Variants in MUC17 observed in about 807,000 individuals in gnomAD.
The protein encoded by MUC17 is mucin 17, cell surface associated, also known as mucin-17.
Under a neutral mutation model 170.3 loss-of-function variants are expected in MUC17, and 190 were observed. The ratio of observed to expected loss-of-function variants is 1.12; its 90% CI spans 0.99 to 1.26. MUC17 has a LOEUF of 1.26. Ranked by LOEUF, MUC17 falls within the 50% of genes most tolerant of loss-of-function variation. MUC17 has a pLI of 0.00. For missense variants in MUC17, 6,415 were observed against 5,530.0 expected (o/e 1.16, Z -5.08); for synonymous variants, 2,325 against 2,002.5 (o/e 1.16, Z -4.30).
In MUC17 at chr7:101,040,963, A is replaced by C. The variant is rs1055978599; in HGVS notation, c.9547A>C (p.Thr3183Pro). Residue 3183 changes from threonine to proline, a missense_variant, in exon 3 of 13, where the codon ACC becomes CCC. Coordinates refer to ENST00000306151, the MANE Select transcript of MUC17 (RefSeq NM_001040105.2). ...GCTGGTAGTCAGTTCTGAGGATAGC[A>C]CCCTTTCAGCAACTCCTGTTGACAC... ...TMLVVSSEDS[T>P]LSATPVDTST... The C allele has an allele frequency of 1.8e-5, 29 of 1,613,226 alleles. No homozygotes were observed. Among genetic ancestry groups the C allele is most frequent in the Non-Finnish European group, 2.3e-5 (27 of 1,179,832 alleles).
chr7:101,040,790 T>C lies in MUC17; in HGVS notation c.9374T>C (p.Leu3125Pro). 6.2e-7 allele frequency: 1 copy of C among 1,613,206 alleles called. No individual in the cohort carries two copies. The highest frequency in any genetic ancestry group is 1.3e-5 in the African/African-American group (1 of 74,880). ...TPVTSSAIST[L>P]STTPVDTSTP... ...GTGACCAGTTCTGCAATCAGCACCC[T>C]TTCAACAACTCCTGTTGACACCAGC... The change falls in exon 3 of 13, where the codon CTT becomes CCT. Residue 3125 changes from leucine (L) to proline (P), a missense_variant. By Grantham distance (98) the Leu-to-Pro change is moderately conservative. Transcript: ENST00000306151.
rs1238989810 is a variant in MUC17, at chr7:101,036,213, C to T, written c.4797C>T (p.Asp1599=). 12 of 1,613,982 alleles carry T rather than the reference C, an allele frequency of 7.4e-6. No individual in the cohort carries two copies. Among genetic ancestry groups the T allele is most frequent in the Non-Finnish European group, 1.0e-5 (12 of 1,180,016 alleles). ...ACACCCTTTCAACAACCCCTATTGA[C>T]TCCAAAACTCAGGTGACCGCTTCTA... The part of the protein sequence containing the change: ...EANTLSTTPI[D]SKTQVTASTE... The change falls in exon 3 of 13, where the codon GAC becomes GAT. Residue 1599 remains aspartate, a synonymous_variant. Transcript: ENST00000306151.
chr7:101,036,762 T>C lies in MUC17; in HGVS notation c.5346T>C (p.Thr1782=). 6.2e-7 allele frequency: 1 copy of C among 1,612,534 alleles called. No homozygotes were observed. The highest frequency in any genetic ancestry group is 8.5e-7 in the Non-Finnish European group (1 of 1,179,566). ...TPIDTSTPVT[T]STEATSSPTT... is the part of the protein sequence containing the mutation. ...TTGACACCAGCACCCCTGTGACCAC[T>C]TCTACTGAAGCCACTTCGTCTCCTA... is the stretch of plus-strand genomic sequence containing the variant. The change falls in exon 3 of 13, where the codon ACT becomes ACC. Residue 1782 remains threonine, a synonymous_variant. Coordinates refer to ENST00000306151, the MANE Select transcript of MUC17 (RefSeq NM_001040105.2).
chr7:101,035,849 C>A lies in MUC17; in HGVS notation c.4433C>A (p.Thr1478Asn), dbSNP rs752496113. ...TCTGAGGCTAGCACCCTTTCAACAA[C>A]TCCTGTTGACTCTAACAGTCCTGTG... ...ANSEASTLST[T>N]PVDSNSPVVT... Residue 1478 changes from threonine (T) to asparagine (N), a missense_variant, in exon 3 of 13, where the codon ACT becomes AAT. Physicochemically the swap from Thr to Asn is moderately conservative, Grantham distance 65. Transcript: ENST00000306151. 1.3e-6 allele frequency: 2 copies of A among 1,599,622 alleles called. No homozygotes were observed. The highest frequency in any genetic ancestry group is 2.3e-5 in the South Asian group (2 of 88,832).
Position 101,033,893 on chromosome 7 carries a change from T to G in MUC17, c.2477T>G (p.Leu826Arg). ...GTGACCAGTCCTGAGGCTAGCACCCTTTCAACAACTCCTGTTGACTCCAAC... is the reference window on the plus strand; with the variant it reads ...GTGACCAGTCCTGAGGCTAGCACCCGTTCAACAACTCCTGTTGACTCCAAC... ...TPVTSPEAST[L>R]STTPVDSNSP... The change falls in exon 3 of 13, where the codon CTT becomes CGT. Residue 826 changes from leucine (L) to arginine (R), a missense_variant. Transcript: ENST00000306151. The G allele has an allele frequency of 1.9e-6, 3 of 1,613,382 alleles. No individual in the cohort carries two copies. Among genetic ancestry groups the G allele is most frequent in the African/African-American group, 1.3e-5 (1 of 74,890 alleles).
At position 101,041,103 on chromosome 7, in the gene MUC17, C is replaced by A. The variant is rs760081515; in HGVS notation, c.9687C>A (p.Val3229=). 3.7e-6 allele frequency: 6 copies of A among 1,613,760 alleles called. No homozygotes were observed. Among genetic ancestry groups the A allele is most frequent in the Non-Finnish European group, 5.1e-6 (6 of 1,179,914 alleles). Residue 3229 remains valine (V), a synonymous_variant, in exon 3 of 13, where the codon GTC becomes GTA. Transcript: ENST00000306151. The part of the protein sequence containing the change: ...EGMTPLTSVP[V]SNTPVASSEA... ...TGACTCCATTAACTAGTGTACCTGT[C>A]AGCAACACGCCGGTGGCCAGTTCTG...
At chr7:101,047,907 C>T in intron 3 of MUC17, 77 bp from the exon 4 acceptor site, 4 of 1,466,346 alleles carry the variant, frequency 2.7e-6, no homozygotes, top group Non-Finnish European at 3.6e-6. Context: ...CATGTAACCA[C>T]AGTAGATCCC....
In MUC17 at chr7:101,036,191, C is replaced by A. The variant is rs745853209; in HGVS notation, c.4775C>A (p.Thr1592Asn). Residue 1592 changes from threonine to asparagine, a missense_variant, in exon 3 of 13, where the codon ACC becomes AAC. Physicochemically the swap from Thr to Asn is moderately conservative, Grantham distance 65 (BLOSUM62 0). Transcript: ENST00000306151. ...TMLVVSSEAN[T>N]LSTTPIDSKT... ...CTGGTGGTCAGTTCTGAGGCTAACA[C>A]CCTTTCAACAACCCCTATTGACTCC... The A allele has an allele frequency of 1.2e-6, 2 of 1,613,846 alleles. No homozygotes were observed. Among genetic ancestry groups the A allele is most frequent in the African/African-American group, 1.3e-5 (1 of 74,862 alleles).
chr7:101,043,181 C>T lies in MUC17; in HGVS notation c.11765C>T (p.Thr3922Ile). Residue 3922 changes from threonine (T) to isoleucine (I), a missense_variant, in exon 3 of 13, where the codon ACC (threonine) becomes ATC (isoleucine). By Grantham distance (89) the Thr-to-Ile change is moderately conservative. Transcript: ENST00000306151. The stretch of plus-strand genomic sequence containing the variant: ...TCAACTCCCACAATTCCTGTAGCCA[C>T]CACCATATCTGTATCAGTGATCACA... ...TASTPTIPVATTISVSVITEG... is the reference protein window; with the variant it reads ...TASTPTIPVAITISVSVITEG... The T allele has an allele frequency of 6.2e-7, 1 of 1,614,172 alleles. No homozygotes were observed.
chr7:101,048,081 G>A lies in MUC17; in HGVS notation c.12501G>A (p.Glu4167=), dbSNP rs766252031. 4 of 1,604,958 alleles carry A rather than the reference G, an allele frequency of 2.5e-6. No individual in the cohort carries two copies. The South Asian group carries it at 3.3e-5, about 13-fold the overall frequency. Residue 4167 remains glutamate, a synonymous_variant, in exon 4 of 13, where the codon GAG becomes GAA. Coordinates refer to ENST00000306151, the MANE Select transcript of MUC17 (RefSeq NM_001040105.2). ...AGTGTCCCAACCTCTATTATGGGGA[G>A]TTGTGTGAGGAGGTGGTCAGCAGCA... is the stretch of plus-strand genomic sequence containing the variant. ...KCQCPNLYYG[E]LCEEVVSSID... is the part of the protein sequence containing the mutation.
rs1794418268 is a variant in MUC17, at chr7:101,034,997, C to T, written c.3581C>T (p.Ser1194Phe). The part of the protein sequence containing the change: ...PVDSKTQVAT[S>F]TEASSPPPTA... ...GACTCCAAAACTCAGGTGGCCACTT[C>T]TACTGAAGCCAGTTCACCTCCTCCA... is the stretch of plus-strand genomic sequence containing the variant. Residue 1194 changes from serine to phenylalanine, a missense_variant, in exon 3 of 13, where the codon TCT becomes TTT. Physicochemically the swap from Ser to Phe is radical, Grantham distance 155. Transcript: ENST00000306151. 30 of 1,613,914 alleles carry T rather than the reference C, an allele frequency of 1.9e-5. No individual in the cohort carries two copies. Among genetic ancestry groups the T allele is most frequent in the Non-Finnish European group, 2.5e-5 (29 of 1,179,966 alleles).
At position 101,038,323 on chromosome 7, in the gene MUC17, C is replaced by T. The variant is rs775272452; in HGVS notation, c.6907C>T (p.Pro2303Ser). The T allele has an allele frequency of 4.3e-6, 7 of 1,613,638 alleles. No individual in the cohort carries two copies. In the Middle Eastern group the frequency reaches 5.0e-4, roughly 114 times the overall value. The change falls in exon 3 of 13, where the codon CCT (proline) becomes TCT (serine). Residue 2303 changes from proline to serine, a missense_variant. Transcript: ENST00000306151. Reference sequence around the variant, plus strand: ...TGAGGTTAGCACCCTTTCAACAACTCCTGTTGACTCCAACACTCCTTTCAC... The same window carrying T: ...TGAGGTTAGCACCCTTTCAACAACTTCTGTTGACTCCAACACTCCTTTCAC... ...NSEVSTLSTT[P>S]VDSNTPFTTS...
chr7:101,025,518 A>T (rs1257530145), intron 1 of MUC17, among the ~76,000 whole-genome samples: 1 of 151,944 alleles, frequency 6.6e-6, no homozygotes, highest in Non-Finnish European at 1.5e-5. Context: ...TAGGCCAAGC[A>T]CAGTGGCTCA....
rs750238811 is a variant in MUC17, at chr7:101,033,678, C to G, written c.2262C>G (p.Val754=). Residue 754 remains valine, a synonymous_variant, in exon 3 of 13, where the codon GTC becomes GTG. Transcript: ENST00000306151. ...GCACTCCATTAACAAGTATGCCTGT[C>G]AGCAAAACGCTGTTGACCAGTTCTG... ...EGSTPLTSMP[V]SKTLLTSSEA... 6.2e-7 allele frequency: 1 copy of G among 1,613,504 alleles called. No homozygotes were observed. The highest frequency in any genetic ancestry group is 1.3e-5 in the African/African-American group (1 of 74,830).
chr7:101,025,479 A>G (rs1794164126), intron 1 of MUC17, among the ~76,000 whole-genome samples: 2 of 152,032 alleles, frequency 1.3e-5, no homozygotes, highest in Admixed American at 6.6e-5. Flanking sequence ...CCTGGCTAAC[A>G]TGGTGAAAAT....
Position 101,041,028 on chromosome 7 carries a change from T to C in MUC17, c.9612T>C (p.Ser3204=), listed in dbSNP as rs768325697. ...CCACTTCTACTGAAGCCACTTCATCTACAACTGCTGAAGGTACCAGCATTC... is the reference window on the plus strand; with the variant it reads ...CCACTTCTACTGAAGCCACTTCATCCACAACTGCTGAAGGTACCAGCATTC... ...PVTTSTEATS[S]TTAEGTSIPT... The change falls in exon 3 of 13, where the codon TCT becomes TCC. Residue 3204 remains serine, a synonymous_variant. Coordinates refer to ENST00000306151, the MANE Select transcript of MUC17 (RefSeq NM_001040105.2). 1.2e-6 allele frequency: 2 copies of C among 1,613,952 alleles called. No individual in the cohort carries two copies.
intron 4 of MUC17, 156 bp downstream of exon 4, chr7:101,048,271 C>A: frequency 1.4e-6 from 1 of 693,180 alleles, no homozygotes; most frequent in Non-Finnish European, 2.1e-6. Context: ...TGTTTCCACC[C>A]AGTGCTATGA....
Position 101,041,301 on chromosome 7 carries a change from T to C in MUC17, c.9885T>C (p.Ser3295=). The change falls in exon 3 of 13, where the codon AGT becomes AGC. Residue 3295 remains serine, a synonymous_variant. Coordinates refer to ENST00000306151, the MANE Select transcript of MUC17 (RefSeq NM_001040105.2). ...SMPVSTTTVA[S]SETSTLSTTP... ...CTGTCAGCACCACAACGGTGGCCAG[T>C]TCTGAAACGAGCACCCTTTCAACAA... 6.2e-7 allele frequency: 1 copy of C among 1,610,938 alleles called. No homozygotes were observed.
At chr7:101,056,299 C>G (rs772117622) in intron 12 of MUC17, 29 bp downstream of exon 12, 1 of 1,612,056 alleles carries the variant, frequency 6.2e-7, no homozygotes, top group African/African-American at 1.3e-5. Context: ...GGATGCTGGC[C>G]TCCCCCAACC....
Sources: allele counts gnomAD v4.1 joint callset (sites outside exome capture counted in the v4.1 genomes callset), GRCh38; gene constraint gnomAD v4.1.1; transcripts MANE v1.5; gene names NCBI Gene and HGNC (gene_info 2026-07-23, HGNC 2026-07-21).